PTPRE: variants seen among roughly 807,000 people sequenced by gnomAD.
PTPRE encodes the protein protein tyrosine phosphatase receptor type E, also known as receptor-type tyrosine-protein phosphatase epsilon.
In PTPRE, 51 loss-of-function variants were observed where a neutral mutation model predicts 102.0. The observed-to-expected ratio is 0.50, with a 90% confidence interval of 0.40 to 0.63. The LOEUF is 0.63. PTPRE is among the 30% of genes least tolerant of loss of function. The pLI, the probability that PTPRE is intolerant of heterozygous loss-of-function variation, is 0.00. For synonymous variants in PTPRE, 345 were observed against 348.2 expected, an observed-to-expected ratio of 0.99 and a Z score of 0.10; for missense variants, 752 against 915.1, an observed-to-expected ratio of 0.82 and a Z score of 2.30.
chr10:128,003,569 A>G (rs948225736), intron 2 of PTPRE, among the ~76,000 whole-genome samples: 4 of 152,202 alleles, frequency 2.6e-5, no homozygotes, highest in African/African-American at 9.7e-5. Context: ...GTGTGAAATA[A>G]TCCTGAATAG....
At chr10:128,062,818 C>T in intron 9 of PTPRE, 1 of 506,818 alleles carries the variant, frequency 2.0e-6, no homozygotes, top group Admixed American at 3.5e-5. Context: ...TCATCTGAAC[C>T]CTGCTTCTTA....
chr10:128,017,836 G>C (rs11016014), intron 2 of PTPRE, among the ~76,000 whole-genome samples: 8,904 of 152,282 alleles, frequency 0.058, 389 homozygotes, highest in Middle Eastern at 0.12. Context: ...GGTACAGGAG[G>C]TGGGTAGGCC....
chr10:128,060,259 C>T (rs1447602906), intron 7 of PTPRE, among the ~76,000 whole-genome samples: 1 of 151,664 alleles, frequency 6.6e-6, no homozygotes, highest in Non-Finnish European at 1.5e-5. Context: ...ACACCACACA[C>T]ACAATACACA....
intron 20 of PTPRE, among the ~76,000 whole-genome samples, chr10:128,081,109 T>C (rs747835773): frequency 2.0e-5 from 3 of 151,654 alleles, no homozygotes; most frequent in Non-Finnish European, 2.9e-5. Context: ...TAACTAGTAC[T>C]GTATGCTGCC....
intron 12 of PTPRE, chr10:128,068,984 T>C: frequency 6.6e-6 from 1 of 152,302 alleles, no homozygotes; most frequent in East Asian, 1.9e-4. Flanking sequence ...TAAGTTTCCA[T>C]CTGTTACAGA....
chr10:127,915,739 A>T (rs1265048313), intron 1 of PTPRE, among the ~76,000 whole-genome samples: 2 of 152,218 alleles, frequency 1.3e-5, no homozygotes, highest in African/African-American at 2.4e-5. Context: ...AATAGTGTTT[A>T]AGAGTCTGTA....
intron 1 of PTPRE, among the ~76,000 whole-genome samples, chr10:127,960,773 C>T (rs903746091): frequency 6.6e-6 from 1 of 152,138 alleles, no homozygotes; most frequent in Non-Finnish European, 1.5e-5. Flanking sequence ...CCTGTAATCC[C>T]AGCACTTTGG....
At chr10:127,998,232 G>A (rs998930564) in intron 2 of PTPRE, 1 of 152,178 alleles carries the variant, frequency 6.6e-6, no homozygotes, top group African/African-American at 2.4e-5. Flanking sequence ...GAGACGGGGA[G>A]TTTTCAGAAA....
chr10:128,084,433 A>G lies in PTPRE; in HGVS notation c.*1527A>G, dbSNP rs553616156. 5.9e-5 allele frequency: 9 copies of G among 152,328 alleles called. No individual in the cohort carries two copies. The East Asian group carries it at 1.7e-3, about 29-fold the overall frequency. 9.4% of individuals were successfully genotyped at this position (152,328 alleles called of 1,614,324 possible). A position where few individuals can be genotyped will look rare whatever the true frequency, so the allele number is the denominator to read the frequency against. On this transcript the variant is annotated 3_prime_UTR_variant, in exon 21 of 21. Coordinates refer to ENST00000254667, the MANE Select transcript of PTPRE (RefSeq NM_006504.6). ...GTGTGTGCAAATGCAACCCCAGGAC[A>G]CATTATTGTTCTGATAGATGCTCAC... is the stretch of plus-strand genomic sequence containing the variant.
At position 128,013,156 on chromosome 10, in the gene PTPRE, T is replaced by C. The variant is rs368496939; in HGVS notation, c.-7-27719T>C. ...TTTTCTATAATTACATGCTGTTGAC[T>C]GTAGTTTACCAACAGAGTGTCAGTA... On this transcript the variant is annotated intron_variant, in intron 2 of 20. Transcript: ENST00000254667. Among the ~76,000 whole-genome samples the C allele has an allele frequency of 3.3e-5, 5 of 152,196 alleles. No individual in the cohort carries two copies. In the East Asian group the frequency reaches 7.7e-4, roughly 23 times the overall value.
At chr10:127,913,290 A>G (rs986776733) in intron 1 of PTPRE, among the ~76,000 whole-genome samples, 2 of 152,226 alleles carry the variant, frequency 1.3e-5, no homozygotes, top group Admixed American at 1.3e-4. Context: ...CTTTGTCCTC[A>G]AGGCAAGTCA....
intron 2 of PTPRE, among the ~76,000 whole-genome samples, chr10:128,001,341 G>C (rs570551917): frequency 6.6e-6 from 1 of 152,342 alleles, no homozygotes; most frequent in East Asian, 1.9e-4. Context: ...CTTGGTGTCA[G>C]TGTGCTGGAG....
At chr10:127,918,184 C>G (rs890811107) in intron 1 of PTPRE, among the ~76,000 whole-genome samples, 7 of 152,156 alleles carry the variant, frequency 4.6e-5, no homozygotes, top group African/African-American at 1.7e-4. Flanking sequence ...AGGAGTCACC[C>G]TGCTCTCTCT....
intron 1 of PTPRE, among the ~76,000 whole-genome samples, chr10:127,955,178 C>G (rs921470235): frequency 1.3e-5 from 2 of 152,086 alleles, no homozygotes; most frequent in Non-Finnish European, 2.9e-5. Context: ...TTACAACAAA[C>G]CAATCTAGGC....
At chr10:128,066,544 T>C (rs912521913) in intron 11 of PTPRE, among the ~76,000 whole-genome samples, 4 of 152,218 alleles carry the variant, frequency 2.6e-5, no homozygotes, top group African/African-American at 4.8e-5. Context: ...GGGGTTTTTT[T>C]CTAACACTTT....
chr10:127,921,532 C>T (rs983528955), intron 1 of PTPRE, among the ~76,000 whole-genome samples: 3 of 152,084 alleles, frequency 2.0e-5, no homozygotes, highest in Non-Finnish European at 4.4e-5. Context: ...ACAGGAGGGA[C>T]GTGAGCTCCA....
intron 11 of PTPRE, among the ~76,000 whole-genome samples, chr10:128,067,173 T>C (rs556902418): frequency 7.8e-6 from 1 of 128,070 alleles, no homozygotes; most frequent in Non-Finnish European, 1.7e-5. Context: ...CATGCACACA[T>C]GCACACATTC....
chr10:128,069,995 G>A (rs1590221113), intron 13 of PTPRE, 168 bp downstream of exon 13: 1 of 978,204 alleles, frequency 1.0e-6, no homozygotes, highest in East Asian at 2.6e-5. Context: ...GGACCTCAGG[G>A]ACTCCCTCGT....
intron 2 of PTPRE, chr10:127,987,193 G>T (rs1264323176): frequency 5.0e-6 from 2 of 402,534 alleles, no homozygotes; most frequent in Non-Finnish European, 6.7e-6. Flanking sequence ...CAGAGCAAAG[G>T]CATGGGCGTT....
Sources: gnomAD v4.1 joint callset for allele counts (sites outside exome capture counted in the v4.1 genomes callset) on GRCh38, gnomAD v4.1.1 for gene constraint, MANE v1.5 for transcripts, NCBI Gene and HGNC (gene_info 2026-07-23, HGNC 2026-07-21) for gene names.